Variants in C6 observed in about 807,000 individuals in gnomAD.
C6 encodes the protein complement C6, also known as complement component C6.
Under a neutral mutation model 112.9 loss-of-function variants are expected in C6, and 101 were observed. The ratio of observed to expected loss-of-function variants is 0.89; its 90% confidence interval spans 0.76 to 1.06. The LOEUF (loss-of-function observed/expected upper bound fraction) is 1.06, where lower values mean the gene tolerates loss of function less well. Among genes scored for constraint, C6 ranks in the 50% least tolerant of loss-of-function variants. C6 has a pLI of 0.00. For synonymous variants in C6, 431 were observed against 384.1 expected, an observed-to-expected ratio of 1.12 and a Z score of -1.43; for missense variants, 1,202 against 1,104.6, an observed-to-expected ratio of 1.09 and a Z score of -1.25.
intron 2 of C6, among the ~76,000 whole-genome samples, chr5:41,202,792 T>C (rs1466220048): frequency 6.6e-6 from 1 of 151,982 alleles, no homozygotes; most frequent in Non-Finnish European, 1.5e-5. Flanking sequence ...GCAAGCAAAG[T>C]TGTATGCTGA....
chr5:41,254,306 T>C (rs1485112901), intron 1 of C6, among the ~76,000 whole-genome samples: 1 of 152,144 alleles, frequency 6.6e-6, no homozygotes, highest in Non-Finnish European at 1.5e-5. Flanking sequence ...CTTGGGAGGC[T>C]GAGGCAGGAG....
chr5:41,239,093 ATTTCT>A (rs1201765462), intron 1 of C6, among the ~76,000 whole-genome samples: 2 of 143,640 alleles, frequency 1.4e-5, no homozygotes, highest in East Asian at 4.0e-4. Context: ...CACATTTATA[ATTTCT>A]TTTCTTTTCT....
chr5:41,260,887 A>G (rs533979122), intron 1 of C6, among the ~76,000 whole-genome samples: 10 of 152,232 alleles, frequency 6.6e-5, no homozygotes, highest in African/African-American at 2.2e-4. Flanking sequence ...AGAATGAATG[A>G]AAATGAAAAC....
chr5:41,195,943 A>G lies in C6; in HGVS notation c.446-10T>C. ...CTGGCAATGCAGCGGCCTAGTCAAG[A>G]AAAGCAAACAAAATCAATGCAACAA... On this transcript the variant is annotated splice_polypyrimidine_tract_variant and intron_variant, in intron 4 of 17. Transcript: ENST00000337836. 1.2e-6 allele frequency: 2 copies of G among 1,613,626 alleles called. No individual in the cohort carries two copies. The highest frequency in any genetic ancestry group is 1.7e-6 in the Non-Finnish European group (2 of 1,179,836).
chr5:41,160,422 G>A, intron 10 of C6, 55 bp from the exon 11 acceptor site: 2 of 1,310,916 alleles, frequency 1.5e-6, no homozygotes, highest in Non-Finnish European at 2.2e-6. Context: ...GTAATAGGTT[G>A]CCATTACTGC....
rs139760588 is a variant in C6 at position 41,163,219 on chromosome 5, A to G, written c.1292-1360T>C. Among the ~76,000 whole-genome samples, 13 of 152,158 alleles carry G rather than the reference A, an allele frequency of 8.5e-5. No homozygotes were observed. The East Asian group carries it at 2.5e-3, about 29-fold the overall frequency. On this transcript the variant is annotated intron_variant, in intron 9 of 17. Transcript: ENST00000337836. ...ATATTTCTACTTATACAATCTTCTCAGAAGCCACATCGTAAGATGAACACC... is the reference window on the plus strand; with the variant it reads ...ATATTTCTACTTATACAATCTTCTCGGAAGCCACATCGTAAGATGAACACC...
intron 1 of C6, among the ~76,000 whole-genome samples, chr5:41,253,497 C>T (rs1031283045): frequency 6.6e-6 from 1 of 152,166 alleles, no homozygotes; most frequent in African/African-American, 2.4e-5. Flanking sequence ...TCCCAGGCTC[C>T]ACTTGGGATT....
chr5:41,238,503 C>A (rs1295727031), intron 1 of C6, among the ~76,000 whole-genome samples: 3 of 152,056 alleles, frequency 2.0e-5, no homozygotes, highest in Non-Finnish European at 4.4e-5. Flanking sequence ...GAATATGGGG[C>A]AAGTCTATTC....
At position 41,149,273 on chromosome 5, in the gene C6, T is replaced by C; in HGVS notation, c.2591A>G (p.Tyr864Cys). The change falls in exon 17 of 18, where the codon TAT becomes TGT. Residue 864 changes from tyrosine (Y) to cysteine (C), a missense_variant. By Grantham distance (194) the Tyr-to-Cys change is radical. Coordinates refer to ENST00000337836, the MANE Select transcript of C6 (RefSeq NM_000065.5). ...TTTTTCCCAGTCATAGCAGGTGTCA[T>C]AGCCACAGGATTCTTTCTTTGTGCT... ...SNSTKKESCG[Y>C]DTCYDWEKCS... 2 of 1,614,100 alleles carry C rather than the reference T, an allele frequency of 1.2e-6. No homozygotes were observed. Among genetic ancestry groups the C allele is most frequent in the Non-Finnish European group, 1.7e-6 (2 of 1,179,964 alleles).
chr5:41,234,576 TATC>T (rs1303702722), intron 1 of C6, among the ~76,000 whole-genome samples: 1 of 152,096 alleles, frequency 6.6e-6, no homozygotes, highest in African/African-American at 2.4e-5. Flanking sequence ...AAAGTGGAAA[TATC>T]ATTGCTCTGT....
At chr5:41,145,516 A>G (rs1745737679) in intron 17 of C6, among the ~76,000 whole-genome samples, 1 of 152,212 alleles carries the variant, frequency 6.6e-6, no homozygotes, top group Admixed American at 6.5e-5. Context: ...AGTCAGCGTG[A>G]GTATTAGCAA....
intron 1 of C6, among the ~76,000 whole-genome samples, chr5:41,221,685 A>C (rs1739173643): frequency 6.6e-6 from 1 of 152,230 alleles, no homozygotes; most frequent in Admixed American, 6.5e-5. Flanking sequence ...AAATAAAAGC[A>C]GTGTTTTAAT....
rs1454891191 is a variant in C6, at chr5:41,234,691, T to C, written c.-21+26503A>G. Among the ~76,000 whole-genome samples the C allele has an allele frequency of 3.3e-5, 5 of 151,980 alleles. No homozygotes were observed. The East Asian group carries it at 7.7e-4, about 24-fold the overall frequency. ...CAGAAGAGCAGAAAACCCTCTGCCT[T>C]GAGATTGCTGTACTGTGGTGACTAC... On this transcript the variant is annotated intron_variant, in intron 1 of 17. Transcript: ENST00000263413.
chr5:41,145,975 G>A (rs948338699), intron 17 of C6, among the ~76,000 whole-genome samples: 1 of 152,104 alleles, frequency 6.6e-6, no homozygotes, highest in African/African-American at 2.4e-5. Flanking sequence ...CAGTTCTCAC[G>A]CTTCTATACT....
intron 2 of C6, among the ~76,000 whole-genome samples, chr5:41,202,799 C>A (rs11741328): frequency 1.3e-3 from 196 of 151,484 alleles, no homozygotes; most frequent in Non-Finnish European, 2.3e-3. Flanking sequence ...AAGTTGTATG[C>A]TGATTGAAAA....
At chr5:41,213,806 G>T (rs1016577845), upstream of C6, among the ~76,000 whole-genome samples, 1 of 152,130 alleles carries the variant, frequency 6.6e-6, no homozygotes, top group Non-Finnish European at 1.5e-5. Flanking sequence ...TTATAGAATA[G>T]TTATTGGTAA....
chr5:41,196,246 G>T (rs1260892578), intron 4 of C6, among the ~76,000 whole-genome samples: 1 of 151,780 alleles, frequency 6.6e-6, no homozygotes, highest in Non-Finnish European at 1.5e-5. Context: ...TTAACAAGAG[G>T]TTCAGAATTT....
chr5:41,216,936 C>G (rs1313436289), upstream of C6, among the ~76,000 whole-genome samples: 1 of 152,040 alleles, frequency 6.6e-6, no homozygotes, highest in Non-Finnish European at 1.5e-5. Flanking sequence ...TATTGGAAAC[C>G]TTGAGCAATT....
chr5:41,224,743 T>G (rs1379670355), intron 1 of C6, among the ~76,000 whole-genome samples: 1 of 152,196 alleles, frequency 6.6e-6, no homozygotes, highest in East Asian at 1.9e-4. Flanking sequence ...ATATATGTTT[T>G]CAATTCTACT....
Sources: allele counts gnomAD v4.1 joint callset (sites outside exome capture counted in the v4.1 genomes callset), GRCh38; gene constraint gnomAD v4.1.1; transcripts MANE v1.5; gene names NCBI Gene and HGNC (gene_info 2026-07-23, HGNC 2026-07-21).